CHST8: variants seen among roughly 807,000 people sequenced by gnomAD.
CHST8 encodes carbohydrate sulfotransferase 8, also known as GALNAC-4-ST1.
In CHST8, 10 loss-of-function variants were observed where a neutral mutation model predicts 15.0. That is an observed-to-expected ratio of 0.67 (90% CI 0.41 to 1.13). CHST8 has a LOEUF of 1.13. Among genes scored for constraint, CHST8 ranks in the 50% most tolerant of loss-of-function variants. The pLI, the probability that CHST8 is intolerant of heterozygous loss-of-function variation, is 0.00. For synonymous variants in CHST8, 259 were observed against 256.6 expected, an observed-to-expected ratio of 1.01 and a Z score of -0.09; for missense variants, 634 against 608.2, an observed-to-expected ratio of 1.04 and a Z score of -0.45.
intron 2 of CHST8, among the ~76,000 whole-genome samples, chr19:33,682,104 C>T (rs777064138): frequency 6.6e-6 from 1 of 151,682 alleles, no homozygotes; most frequent in African/African-American, 2.4e-5. Flanking sequence ...ATCCACCCGC[C>T]TTGGCCTCCC....
In CHST8 at chr19:33,724,474, G is replaced by T. The variant is rs181830123; in HGVS notation, c.130+35083G>T. Among the ~76,000 whole-genome samples the T allele has an allele frequency of 3.2e-3, 474 of 149,300 alleles. 12 individuals are homozygous for T. The highest frequency in any genetic ancestry group is 0.025 in the Admixed American group (369 of 15,026). ...GTAAGCAGTTCTGTAAAGTGTGGCT[G>T]CGGGGCTGGCAGCCGGGCTGCTCTT... On this transcript the variant is annotated intron_variant, in intron 3 of 4. Coordinates refer to ENST00000650847, the MANE Select transcript of CHST8 (RefSeq NM_001127895.2).
chr19:33,750,399 C>T (rs977540111), intron 3 of CHST8, among the ~76,000 whole-genome samples: 1 of 152,200 alleles, frequency 6.6e-6, no homozygotes, highest in Middle Eastern at 3.2e-3. Flanking sequence ...ACCCCCAGGA[C>T]CCCAGGGCCT....
intron 1 of CHST8, among the ~76,000 whole-genome samples, chr19:33,651,600 TCAATAGC>T (rs1246063132): frequency 3.9e-5 from 6 of 152,298 alleles, no homozygotes; most frequent in African/African-American, 1.2e-4. Flanking sequence ...TATTGCTTGT[TCAATAGC>T]CAATAGGTTT....
intron 1 of CHST8, among the ~76,000 whole-genome samples, chr19:33,657,242 T>TATATATACACACATAC (rs1972521944): frequency 1.3e-5 from 2 of 150,122 alleles, no homozygotes; most frequent in African/African-American, 4.9e-5. Context: ...TACACACACA[T>TATATATACACACATAC]ATATATATAC....
chr19:33,766,875 G>A (rs1053646169), intron 3 of CHST8, among the ~76,000 whole-genome samples: 5 of 152,278 alleles, frequency 3.3e-5, no homozygotes, highest in Admixed American at 6.5e-5. Flanking sequence ...CAGAAGCCCC[G>A]GGCACATGGA....
At chr19:33,724,792 G>A (rs1276355327) in intron 3 of CHST8, among the ~76,000 whole-genome samples, 5 of 152,314 alleles carry the variant, frequency 3.3e-5, no homozygotes, top group Middle Eastern at 3.4e-3. Context: ...CCCACTCCGG[G>A]TGGGCTGGGG....
chr19:33,665,768 G>C (rs1026305260), intron 1 of CHST8, among the ~76,000 whole-genome samples: 1 of 152,234 alleles, frequency 6.6e-6, no homozygotes, highest in Non-Finnish European at 1.5e-5. Flanking sequence ...CTGATGGGTA[G>C]AGGGTGGAGG....
chr19:33,737,695 C>G (rs1974112637), intron 3 of CHST8, among the ~76,000 whole-genome samples: 2 of 152,028 alleles, frequency 1.3e-5, no homozygotes, highest in African/African-American at 4.8e-5. Context: ...GCATGGCTGT[C>G]CTCCTAGGTC....
At chr19:33,746,836 T>C (rs1284656068) in intron 3 of CHST8, among the ~76,000 whole-genome samples, 1 of 152,040 alleles carries the variant, frequency 6.6e-6, no homozygotes, top group Non-Finnish European at 1.5e-5. Flanking sequence ...TTTTTTTTTT[T>C]CAAGGCATTT....
At chr19:33,685,680 C>G (rs1159176976) in intron 2 of CHST8, among the ~76,000 whole-genome samples, 1 of 151,746 alleles carries the variant, frequency 6.6e-6, no homozygotes, top group Non-Finnish European at 1.5e-5. Context: ...TGCCTCATCC[C>G]CCAGCCTTCC....
At chr19:33,624,852 G>A (rs1338865507) in intron 1 of CHST8, among the ~76,000 whole-genome samples, 1 of 152,176 alleles carries the variant, frequency 6.6e-6, no homozygotes, top group Non-Finnish European at 1.5e-5. Flanking sequence ...TGCTTGTAGG[G>A]GCTGATGGGG....
chr19:33,669,146 C>T (rs970411851), intron 2 of CHST8, among the ~76,000 whole-genome samples: 9 of 152,206 alleles, frequency 5.9e-5, no homozygotes, highest in African/African-American at 2.2e-4. Context: ...AACAAACCCA[C>T]AGACACACAT....
At chr19:33,641,606 G>A (rs1021403991) in intron 1 of CHST8, among the ~76,000 whole-genome samples, 18 of 152,160 alleles carry the variant, frequency 1.2e-4, no homozygotes, top group African/African-American at 4.1e-4. Flanking sequence ...GGGAAGAAGG[G>A]GGCTGGTAAA....
In CHST8 at chr19:33,766,588, C is replaced by A. The variant is rs913605453; in HGVS notation, c.131-4825C>A. On this transcript the variant is annotated intron_variant, in intron 3 of 4. Transcript: ENST00000650847. ...GAAGCAGCAGGGCAGAGGCCGGCAGCCTGGGCTGTCCGGGACAACAGTGTT... is the reference window on the plus strand; with the variant it reads ...GAAGCAGCAGGGCAGAGGCCGGCAGACTGGGCTGTCCGGGACAACAGTGTT... Among the ~76,000 whole-genome samples, 3 of 152,344 alleles carry A rather than the reference C, an allele frequency of 2.0e-5. No homozygotes were observed. The South Asian group carries it at 6.2e-4, about 32-fold the overall frequency.
chr19:33,742,499 A>G (rs1974215202), intron 3 of CHST8, among the ~76,000 whole-genome samples: 1 of 152,182 alleles, frequency 6.6e-6, no homozygotes, highest in African/African-American at 2.4e-5. Context: ...TTGACAGAGC[A>G]AGAACTCGCT....
At chr19:33,766,646 G>A (rs1424711398) in intron 3 of CHST8, among the ~76,000 whole-genome samples, 1 of 152,232 alleles carries the variant, frequency 6.6e-6, no homozygotes, top group East Asian at 1.9e-4. Flanking sequence ...AGGAGTCCAG[G>A]TGGAGCCGAA....
chr19:33,695,269 G>A (rs1008407810), intron 3 of CHST8, among the ~76,000 whole-genome samples: 16 of 152,046 alleles, frequency 1.1e-4, no homozygotes, highest in Non-Finnish European at 1.8e-4. Flanking sequence ...ACAAATAAAC[G>A]ATGTCTAGTT....
At chr19:33,640,357 C>A (rs1972267693) in intron 1 of CHST8, among the ~76,000 whole-genome samples, 2 of 152,156 alleles carry the variant, frequency 1.3e-5, no homozygotes, top group Non-Finnish European at 2.9e-5. Context: ...CAGTTTCAAT[C>A]TGGGATGTGG....
chr19:33,664,738 C>T (rs1332420667), intron 1 of CHST8, among the ~76,000 whole-genome samples: 2 of 151,804 alleles, frequency 1.3e-5, no homozygotes, highest in Non-Finnish European at 2.9e-5. Context: ...GCTTTTTTCC[C>T]CCCTTTATCT....
Sources: allele counts gnomAD v4.1 joint callset (sites outside exome capture counted in the v4.1 genomes callset), GRCh38; gene constraint gnomAD v4.1.1; transcripts MANE v1.5; gene names NCBI Gene and HGNC (gene_info 2026-07-23, HGNC 2026-07-21).